ECT2L: variants seen among roughly 807,000 people sequenced by gnomAD.
The protein encoded by ECT2L is epithelial cell-transforming sequence 2 oncogene-like.
Under a neutral mutation model 122.8 loss-of-function variants are expected in ECT2L, and 126 were observed. The observed-to-expected ratio is 1.03, with a 90% confidence interval of 0.89 to 1.19. ECT2L has a LOEUF of 1.19. Among genes scored for constraint, ECT2L ranks in the 50% most tolerant of loss-of-function variants. The pLI, the probability that ECT2L is intolerant of heterozygous loss-of-function variation, is 0.00. For synonymous variants in ECT2L, 385 were observed against 381.8 expected (o/e 1.01, Z -0.10); for missense variants, 1,012 against 1,064.1 (o/e 0.95, Z 0.68).
Position 138,902,986 on chromosome 6 carries a change from GATCA to G in ECT2L, c.*360_*363del, listed in dbSNP as rs1226348440. On this transcript the variant is annotated 3_prime_UTR_variant, in exon 22 of 22. Coordinates refer to ENST00000541398, the MANE Select transcript of ECT2L (RefSeq NM_001077706.3). ...AGCAGAATGAAAGTGTTTCTTAAGT[GATCA>G]GTCTAGAAAGATATTTTAATTTGTT... is the stretch of plus-strand genomic sequence containing the variant. 8.6e-6 allele frequency: 2 copies of G among 232,102 alleles called. No individual in the cohort carries two copies. Among genetic ancestry groups the G allele is most frequent in the African/African-American group, 4.8e-5 (2 of 42,092 alleles). 14.4% of individuals were successfully genotyped at this position (232,102 alleles called of 1,614,324 possible).
At chr6:138,872,442 C>T (rs75303305) in intron 13 of ECT2L, among the ~76,000 whole-genome samples, 12 of 152,304 alleles carry the variant, frequency 7.9e-5, no homozygotes, top group African/African-American at 2.4e-4. Context: ...GTTAACAGAA[C>T]GCACGGGCTG....
At chr6:138,816,577 G>A (rs993919064) in intron 4 of ECT2L, among the ~76,000 whole-genome samples, 4 of 151,766 alleles carry the variant, frequency 2.6e-5, no homozygotes, top group Non-Finnish European at 4.4e-5. Flanking sequence ...CTCTGCCCCC[G>A]GGGTTCATGC....
chr6:138,810,270 G>A (rs1345165297), intron 1 of ECT2L, among the ~76,000 whole-genome samples: 1 of 152,152 alleles, frequency 6.6e-6, no homozygotes, highest in Non-Finnish European at 1.5e-5. Context: ...AACTGAGAAA[G>A]ACTTTGAGCA....
intron 10 of ECT2L, among the ~76,000 whole-genome samples, chr6:138,859,878 G>A (rs1379966514): frequency 3.3e-5 from 5 of 150,940 alleles, no homozygotes; most frequent in African/African-American, 7.3e-5. Context: ...GCAATGGCGC[G>A]ATCTCGGCTC....
rs199632951 is a variant in ECT2L at position 138,881,034 on chromosome 6, C to T, written c.1743C>T (p.Tyr581=). The T allele has an allele frequency of 1.6e-3, 2,649 of 1,614,122 alleles. 3 individuals are homozygous for T. The highest frequency in any genetic ancestry group is 2.1e-3 in the Non-Finnish European group (2,427 of 1,180,016). Residue 581 remains tyrosine, a synonymous_variant, in exon 15 of 22, where the codon TAC becomes TAT. Transcript: ENST00000541398. ...AACTCTTACAGAGTGAGAGAAAATA[C>T]GTGCAGATACTGGAAATTGTGAGAG... ...VRELLQSERK[Y]VQILEIVRDV... is the part of the protein sequence containing the mutation.
chr6:138,825,929 G>A lies in ECT2L; in HGVS notation c.179+11326G>A, dbSNP rs1025893793. On this transcript the variant is annotated intron_variant, in intron 4 of 21. Coordinates refer to ENST00000541398, the MANE Select transcript of ECT2L (RefSeq NM_001077706.3). ...CTCTGAACACCCAGTTGAACTTATC[G>A]CCCAAAATGAATTTTTTCTCCCCCT... Among the ~76,000 whole-genome samples, 6 of 152,052 alleles carry A rather than the reference G, an allele frequency of 3.9e-5. No individual in the cohort carries two copies. The East Asian group carries it at 7.7e-4, about 20-fold the overall frequency.
At chr6:138,808,898 T>C (rs1018552082) in intron 1 of ECT2L, among the ~76,000 whole-genome samples, 3 of 152,098 alleles carry the variant, frequency 2.0e-5, no homozygotes, top group African/African-American at 7.2e-5. Context: ...AGCTACTTTT[T>C]CTATTTTTAG....
At position 138,902,578 on chromosome 6, in the gene ECT2L, T is replaced by C. The variant is rs1779440947; in HGVS notation, c.2666T>C (p.Leu889Pro). The C allele has an allele frequency of 6.2e-7, 1 of 1,613,858 alleles. No homozygotes were observed. The highest frequency in any genetic ancestry group is 8.5e-7 in the Non-Finnish European group (1 of 1,179,930). ...ACAGAAATAGAGGATGATAAGTTCC[T>C]ATGGCTGTCAGTACTTCGAAATGCA... ...CATEIEDDKF[L>P]WLSVLRNAIK... Residue 889 changes from leucine to proline, a missense_variant, in exon 22 of 22, where the codon CTA becomes CCA. Leu to Pro is a moderately conservative substitution (Grantham distance 98, BLOSUM62 -3). Transcript: ENST00000541398.
intron 1 of ECT2L, among the ~76,000 whole-genome samples, chr6:138,806,106 T>A (rs1775702021): frequency 6.6e-6 from 1 of 152,184 alleles, no homozygotes; most frequent in Non-Finnish European, 1.5e-5. Flanking sequence ...CTCCGTCAGG[T>A]CCAGTTGCAA....
chr6:138,896,117 G>C (rs1779202893), intron 20 of ECT2L, among the ~76,000 whole-genome samples: 1 of 124,316 alleles, frequency 8.0e-6, no homozygotes, highest in East Asian at 3.1e-4. Flanking sequence ...TCCTTAATGA[G>C]ATGGGGTCCT....
intron 19 of ECT2L, among the ~76,000 whole-genome samples, 193 bp from the exon 20 acceptor site, chr6:138,888,750 A>G (rs1433904105): frequency 2.0e-5 from 3 of 149,848 alleles, no homozygotes; most frequent in Non-Finnish European, 4.5e-5. Flanking sequence ...TTCCCCTTAA[A>G]TATAGTTTTC....
intron 13 of ECT2L, chr6:138,870,217 T>C (rs1379495424): frequency 6.5e-6 from 1 of 152,674 alleles, no homozygotes; most frequent in Non-Finnish European, 1.5e-5. Flanking sequence ...ATTTTTGTCG[T>C]ATTTTCTGCT....
chr6:138,861,813 T>G lies in ECT2L; in HGVS notation c.1199-814T>G, dbSNP rs546489536. Among the ~76,000 whole-genome samples the G allele has an allele frequency of 6.2e-4, 94 of 152,296 alleles. 1 individual carries two copies. Among genetic ancestry groups the G allele is most frequent in the African/African-American group, 1.8e-3 (74 of 41,582 alleles). On this transcript the variant is annotated intron_variant, in intron 10 of 21. Coordinates refer to ENST00000541398, the MANE Select transcript of ECT2L (RefSeq NM_001077706.3). ...TGAAGTCTTTGCCCAGGGAAGGGGC[T>G]AAATTTTAACCATCATATTCCATCC...
At position 138,828,082 on chromosome 6, in the gene ECT2L, C is replaced by G. The variant is rs145786896; in HGVS notation, c.180-10270C>G. On this transcript the variant is annotated intron_variant, in intron 4 of 21. Coordinates refer to ENST00000541398, the MANE Select transcript of ECT2L (RefSeq NM_001077706.3). Reference sequence around the variant, plus strand: ...TATCTCCTAATGCTATCCCTCCCCCCACCGCATGACAGGCCCTGGTGTGTG... The same window carrying G: ...TATCTCCTAATGCTATCCCTCCCCCGACCGCATGACAGGCCCTGGTGTGTG... Among the ~76,000 whole-genome samples the G allele has an allele frequency of 1.2e-3, 180 of 152,168 alleles. No homozygotes were observed. The Middle Eastern group carries it at 0.014, about 12-fold the overall frequency.
intron 13 of ECT2L, among the ~76,000 whole-genome samples, chr6:138,872,903 C>T (rs1307664674): frequency 2.0e-5 from 3 of 152,146 alleles, no homozygotes; most frequent in Admixed American, 2.0e-4. Context: ...AAGGTGCTTC[C>T]TCCTCTGAAG....
intron 13 of ECT2L, among the ~76,000 whole-genome samples, chr6:138,868,872 G>A (rs1778143995): frequency 6.6e-6 from 1 of 152,138 alleles, no homozygotes; most frequent in Non-Finnish European, 1.5e-5. Context: ...ATGGCTATAG[G>A]AAAATGCAAT....
At chr6:138,835,987 G>A (rs982605365) in intron 4 of ECT2L, among the ~76,000 whole-genome samples, 9 of 151,928 alleles carry the variant, frequency 5.9e-5, no homozygotes, top group African/African-American at 2.2e-4. Flanking sequence ...AATGACCCTC[G>A]ATTTCTGGTT....
intron 4 of ECT2L, among the ~76,000 whole-genome samples, chr6:138,824,851 A>T (rs1426253682): frequency 6.6e-6 from 1 of 151,946 alleles, no homozygotes; most frequent in Non-Finnish European, 1.5e-5. Flanking sequence ...CAGCCACAGG[A>T]CTCTAACCCA....
chr6:138,806,944 G>A (rs1775730201), intron 1 of ECT2L, among the ~76,000 whole-genome samples: 1 of 151,946 alleles, frequency 6.6e-6, no homozygotes, highest in African/African-American at 2.4e-5. Flanking sequence ...TCTCAAGAAA[G>A]TAAACTAGAG....
Sources: gnomAD v4.1 joint callset for allele counts (sites outside exome capture counted in the v4.1 genomes callset) on GRCh38, gnomAD v4.1.1 for gene constraint, MANE v1.5 for transcripts, NCBI Gene and HGNC (gene_info 2026-07-23, HGNC 2026-07-21) for gene names.